Variants in AAAS observed in about 807,000 individuals in gnomAD.
AAAS encodes the protein aladin WD repeat nucleoporin.
AAAS carries 60 observed loss-of-function variants against 75.6 expected under a neutral mutation model. That is an observed-to-expected ratio of 0.79 (90% CI 0.64 to 0.98). The LOEUF (loss-of-function observed/expected upper bound fraction) is 0.98. Among genes scored for constraint, AAAS ranks in the 50% least tolerant of loss-of-function variants. The probability of loss-of-function intolerance (pLI) is 0.00; values close to 1 mark genes in which losing one functional copy is unlikely to be tolerated. For synonymous variants in AAAS, 271 were observed against 265.0 expected, an observed-to-expected ratio of 1.02 and a Z score of -0.22; for missense variants, 658 against 686.9, an observed-to-expected ratio of 0.96 and a Z score of 0.47.
intron 7 of AAAS, among the ~76,000 whole-genome samples, chr12:53,312,773 GTATACATACACGTATATA>G (rs1256926798): frequency 6.9e-6 from 1 of 145,718 alleles, no homozygotes; most frequent in Non-Finnish European, 1.5e-5. Flanking sequence ...GTATATACAC[GTATACATACACGTATATA>G]TATATATACG....
chr12:53,321,376 G>A lies in AAAS; in HGVS notation c.90C>T (p.Ser30=), dbSNP rs1448677697. The change falls in exon 1 of 16, where the codon AGC becomes AGT. Residue 30 remains serine (S), a synonymous_variant. Transcript: ENST00000209873. Reference sequence around the variant, plus strand: ...GGAAGTCGGGGGGCGGGCTCTCATAGCTACTGCCCGTCACCAGCTCGTTAT... The same window carrying A: ...GGAAGTCGGGGGGCGGGCTCTCATAACTACTGCCCGTCACCAGCTCGTTAT... ...EHNNELVTGS[S]YESPPPDFRG... 1.2e-6 allele frequency: 2 copies of A among 1,614,114 alleles called. No individual in the cohort carries two copies. The highest frequency in any genetic ancestry group is 8.5e-7 in the Non-Finnish European group (1 of 1,180,048).
intron 2 of AAAS, among the ~76,000 whole-genome samples, chr12:53,318,822 A>T (rs1944507553): frequency 6.6e-6 from 1 of 152,206 alleles, no homozygotes; most frequent in Non-Finnish European, 1.5e-5. Flanking sequence ...CTGGAAATCT[A>T]GCCCCAAGAA....
rs375398959 is a variant in AAAS at position 53,309,688 on chromosome 12, G to A, written c.723C>T (p.His241=). 30 of 1,613,420 alleles carry A rather than the reference G, an allele frequency of 1.9e-5. No homozygotes were observed. The African/African-American group carries it at 2.0e-4, about 11-fold the overall frequency. Residue 241 remains histidine (H), a synonymous_variant, in exon 8 of 16, where the codon CAC becomes CAT. Transcript: ENST00000209873. ...AGCTGGTAACAGGTGTATGCCCAGG[G>A]TGAGACAGCACTTGGGCACAGCCAG... ...PSSGCAQVLS[H]PGHTPVTSLA...
chr12:53,313,499 C>T (rs1944420636), intron 7 of AAAS, among the ~76,000 whole-genome samples: 2 of 152,146 alleles, frequency 1.3e-5, no homozygotes, highest in Admixed American at 6.5e-5. Flanking sequence ...ACGGGTTTTA[C>T]CATGTTGGCC....
rs940906820 is a variant in AAAS, at chr12:53,309,910, G to A, written c.690-189C>T. The A allele has an allele frequency of 3.6e-6, 3 of 839,444 alleles. No homozygotes were observed. The African/African-American group carries it at 5.1e-5, about 14-fold the overall frequency. The allele number at this position is 839,444 out of a possible 1,614,324, so 52.0% of individuals were successfully genotyped here. A position where few individuals can be genotyped will look rare whatever the true frequency, so the allele number is the denominator to read the frequency against. ...AACAGCGAAGGGGAAAAACGACCAA[G>A]TCACCACGAGCAGGTCAACAGAGAA... is the stretch of plus-strand genomic sequence containing the variant. On this transcript the variant is annotated intron_variant, in intron 7 of 15. Transcript: ENST00000209873.
chr12:53,307,964 G>A, intron 14 of AAAS, 35 bp from the exon 15 acceptor site: 1 of 1,613,260 alleles, frequency 6.2e-7, no homozygotes, highest in South Asian at 1.1e-5. Flanking sequence ...CCGGAGGCAA[G>A]AAGGGAGCTG....
intron 8 of AAAS, 80 bp downstream of exon 8, chr12:53,309,521 C>A: frequency 6.2e-7 from 1 of 1,607,670 alleles, no homozygotes; most frequent in Non-Finnish European, 8.5e-7. Context: ...CCTCCTCCTT[C>A]CCCCAAGATG....
intron 15 of AAAS, 53 bp from the exon 16 acceptor site, chr12:53,307,766 C>T: frequency 6.2e-7 from 1 of 1,612,834 alleles, no homozygotes; most frequent in Admixed American, 1.7e-5. Flanking sequence ...GAAGGGCCAC[C>T]TGGCAGAGCC....
At chr12:53,316,764 C>CAAAAAAA (rs34520642) in intron 2 of AAAS, among the ~76,000 whole-genome samples, 31 of 77,090 alleles carry the variant, frequency 4.0e-4, no homozygotes, top group African/African-American at 5.4e-4. Context: ...CCATCTCAGA[C>CAAAAAAA]AAAAAAAAAA....
chr12:53,319,464 C>T (rs1944517414), intron 2 of AAAS, among the ~76,000 whole-genome samples: 1 of 152,184 alleles, frequency 6.6e-6, no homozygotes. Context: ...TACCAAAGCG[C>T]TGGGATTATA....
At chr12:53,320,149 T>C (rs1032035818) in intron 2 of AAAS, among the ~76,000 whole-genome samples, 2 of 150,812 alleles carry the variant, frequency 1.3e-5, no homozygotes, top group Admixed American at 1.3e-4. Flanking sequence ...AACCAGGTAG[T>C]GTAGCTCCAC....
At position 53,314,304 on chromosome 12, in the gene AAAS, G is replaced by T; in HGVS notation, c.683C>A (p.Ser228Tyr). Residue 228 changes from serine to tyrosine, a missense_variant, in exon 7 of 16, where the codon TCT (serine) becomes TAT (tyrosine). Coordinates refer to ENST00000209873, the MANE Select transcript of AAAS (RefSeq NM_015665.6). ...LIWTLDPTSL[S>Y]TRPSSGCAQV... The stretch of plus-strand genomic sequence containing the variant: ...GCAGGCTACTAGGACTTACCGGGTA[G>T]ACAAGGAGGTAGGGTCCAGGGTCCA... The T allele has an allele frequency of 6.2e-7, 1 of 1,614,204 alleles. No individual in the cohort carries two copies. Among genetic ancestry groups the T allele is most frequent in the Non-Finnish European group, 8.5e-7 (1 of 1,180,032 alleles).
chr12:53,314,324 G>A lies in AAAS; in HGVS notation c.663C>T (p.Thr221=). ...GGGTAGACAAGGAGGTAGGGTCCAGGGTCCAGATAAGAATGCAGCTCTGGC... is the reference window on the plus strand; with the variant it reads ...GGGTAGACAAGGAGGTAGGGTCCAGAGTCCAGATAAGAATGCAGCTCTGGC... ...VACQSCILIW[T]LDPTSLSTRP... Residue 221 remains threonine (T), a synonymous_variant, in exon 7 of 16, where the codon ACC becomes ACT. Transcript: ENST00000209873. The A allele has an allele frequency of 1.2e-6, 2 of 1,614,152 alleles. No homozygotes were observed. The highest frequency in any genetic ancestry group is 1.7e-6 in the Non-Finnish European group (2 of 1,180,022).
At chr12:53,312,774 TATAC>T (rs1944408038) in intron 7 of AAAS, among the ~76,000 whole-genome samples, 2 of 149,938 alleles carry the variant, frequency 1.3e-5, no homozygotes, top group African/African-American at 4.9e-5. Context: ...TATATACACG[TATAC>T]ATACACGTAT....
At chr12:53,312,663 G>C (rs543042078) in intron 7 of AAAS, among the ~76,000 whole-genome samples, 2 of 151,006 alleles carry the variant, frequency 1.3e-5, no homozygotes, top group African/African-American at 2.4e-5. Context: ...ATTTTCTCCC[G>C]TATCTATATC....
At chr12:53,314,247 C>G in intron 7 of AAAS, 51 bp downstream of exon 7, 1 of 1,612,976 alleles carries the variant, frequency 6.2e-7, no homozygotes, top group African/African-American at 1.3e-5. Flanking sequence ...CCCACCATGC[C>G]TAGCATTGCA....
chr12:53,310,162 T>A (rs987156993), intron 7 of AAAS, among the ~76,000 whole-genome samples: 1 of 152,210 alleles, frequency 6.6e-6, no homozygotes, highest in African/African-American at 2.4e-5. Flanking sequence ...TCTCCAGTTA[T>A]CTAACACTCC....
chr12:53,316,293 T>G (rs953156876), intron 2 of AAAS, among the ~76,000 whole-genome samples: 4 of 145,954 alleles, frequency 2.7e-5, no homozygotes, highest in African/African-American at 1.0e-4. Flanking sequence ...CTACTAAAAA[T>G]GCAGAAATTA....
chr12:53,311,371 C>T (rs896139310), intron 7 of AAAS, among the ~76,000 whole-genome samples: 3 of 152,232 alleles, frequency 2.0e-5, no homozygotes, highest in Non-Finnish European at 4.4e-5. Flanking sequence ...AGTGAATTCT[C>T]CTGCCTCAGC....
Sources: gnomAD v4.1 joint callset for allele counts (sites outside exome capture counted in the v4.1 genomes callset) on GRCh38, gnomAD v4.1.1 for gene constraint, MANE v1.5 for transcripts, NCBI Gene and HGNC (gene_info 2026-07-23, HGNC 2026-07-21) for gene names.